PDCD10: variants seen among roughly 807,000 people sequenced by gnomAD.
PDCD10 encodes programmed cell death 10, also known as programmed cell death protein 10.
A neutral mutation model predicts 29.2 loss-of-function variants in PDCD10; 4 were observed. The ratio of observed to expected loss-of-function variants is 0.14; its 90% confidence interval spans 0.07 to 0.31. The LOEUF (loss-of-function observed/expected upper bound fraction) is 0.31. Among genes scored for constraint, PDCD10 ranks in the 10% least tolerant of loss-of-function variants. The pLI is 1.00. For synonymous variants in PDCD10, 70 were observed against 82.2 expected (o/e 0.85, Z 0.80); for missense variants, 183 against 257.9 (o/e 0.71, Z 1.99).
chr3:167,715,580 G>A (rs77475596), intron 3 of PDCD10, among the ~76,000 whole-genome samples: 1 of 151,722 alleles, frequency 6.6e-6, no homozygotes, highest in African/African-American at 2.4e-5. Flanking sequence ...ATCTAATAAT[G>A]CAATTTTAAA....
chr3:167,688,437 ATCACC>A (rs1719870372), intron 6 of PDCD10, among the ~76,000 whole-genome samples: 1 of 152,104 alleles, frequency 6.6e-6, no homozygotes, highest in South Asian at 2.1e-4. Flanking sequence ...TATATGCATC[ATCACC>A]TCCCTCCCCT....
intron 6 of PDCD10, among the ~76,000 whole-genome samples, chr3:167,691,084 A>G (rs550451235): frequency 2.6e-4 from 40 of 152,222 alleles, no homozygotes; most frequent in Non-Finnish European, 4.1e-4. Flanking sequence ...TACCTTAGAT[A>G]TAAGAAAGTA....
chr3:167,702,122 A>C (rs1457723074), intron 4 of PDCD10, among the ~76,000 whole-genome samples: 1 of 152,176 alleles, frequency 6.6e-6, no homozygotes, highest in Non-Finnish European at 1.5e-5. Flanking sequence ...ACTGTACAGA[A>C]ACATTTTTAG....
chr3:167,716,568 T>G (rs1022239921), intron 3 of PDCD10, among the ~76,000 whole-genome samples: 5 of 151,778 alleles, frequency 3.3e-5, no homozygotes, highest in Admixed American at 2.6e-4. Flanking sequence ...TTAAAAAAAT[T>G]TAAAAATAAT....
rs370009594 is a variant in PDCD10 at position 167,691,348 on chromosome 3, T to C, written c.396-3655A>G. Among the ~76,000 whole-genome samples, 11 of 152,312 alleles carry C rather than the reference T, an allele frequency of 7.2e-5. No homozygotes were observed. In the East Asian group the frequency reaches 1.7e-3, roughly 24 times the overall value. ...CAAATGGTTAGGAAGTAAATTTTCA[T>C]TGCCACCATTACTCTTAATTCAATT... On this transcript the variant is annotated intron_variant, in intron 6 of 8. Transcript: ENST00000392750.
chr3:167,706,652 C>T (rs564365912), intron 3 of PDCD10, among the ~76,000 whole-genome samples: 2 of 152,314 alleles, frequency 1.3e-5, no homozygotes, highest in Admixed American at 6.5e-5. Context: ...ATCATATATG[C>T]CATCCATCTA....
At chr3:167,687,915 C>T (rs1380673246) in intron 6 of PDCD10, among the ~76,000 whole-genome samples, 3 of 152,272 alleles carry the variant, frequency 2.0e-5, no homozygotes, top group Admixed American at 2.0e-4. Flanking sequence ...GATTCTCTTG[C>T]ACTGCTGACC....
intron 3 of PDCD10, among the ~76,000 whole-genome samples, chr3:167,709,629 G>A (rs1215265303): frequency 6.6e-6 from 1 of 152,148 alleles, no homozygotes; most frequent in East Asian, 1.9e-4. Context: ...GTGCTCTAGA[G>A]TCTCAGATAA....
At chr3:167,702,654 C>T (rs940741400) in intron 4 of PDCD10, among the ~76,000 whole-genome samples, 2 of 152,114 alleles carry the variant, frequency 1.3e-5, no homozygotes. Flanking sequence ...ATCCTCTTTT[C>T]CCTCCAAATA....
intron 8 of PDCD10, among the ~76,000 whole-genome samples, chr3:167,685,303 G>A (rs960633467): frequency 2.6e-5 from 4 of 151,200 alleles, no homozygotes; most frequent in East Asian, 2.0e-4. Flanking sequence ...ATCCCAGCTC[G>A]GGAGGCTGAG....
chr3:167,684,483 A>AT, intron 8 of PDCD10, 94 bp from the exon 9 acceptor site: 23 of 711,232 alleles, frequency 3.2e-5, no homozygotes, highest in Non-Finnish European at 3.3e-5. Context: ...AATCAATTTT[A>AT]GAAAAAAAAA....
chr3:167,689,413 A>G (rs1719975494), intron 6 of PDCD10, among the ~76,000 whole-genome samples: 1 of 152,236 alleles, frequency 6.6e-6, no homozygotes, highest in African/African-American at 2.4e-5. Context: ...ACAGAAGTTT[A>G]TATAGTCTTA....
chr3:167,688,420 T>C (rs537209416), intron 6 of PDCD10, among the ~76,000 whole-genome samples: 51 of 152,126 alleles, frequency 3.4e-4, no homozygotes, highest in Non-Finnish European at 6.6e-4. Context: ...CAATCATCCT[T>C]TGACTATATA....
At chr3:167,712,201 T>G (rs1722589498) in intron 3 of PDCD10, among the ~76,000 whole-genome samples, 1 of 151,992 alleles carries the variant, frequency 6.6e-6, no homozygotes, top group Non-Finnish European at 1.5e-5. Context: ...TATAACAACT[T>G]TTCAAGACAA....
intron 4 of PDCD10, among the ~76,000 whole-genome samples, chr3:167,704,297 G>A (rs1577342763): frequency 6.6e-6 from 1 of 152,070 alleles, no homozygotes; most frequent in African/African-American, 2.4e-5. Context: ...GCATGATCAC[G>A]TCCCACTGTA....
At chr3:167,703,390 A>G (rs528313221) in intron 4 of PDCD10, among the ~76,000 whole-genome samples, 1 of 152,250 alleles carries the variant, frequency 6.6e-6, no homozygotes, top group Non-Finnish European at 1.5e-5. Flanking sequence ...CAGAATATTA[A>G]ATCAAAAAAG....
intron 3 of PDCD10, among the ~76,000 whole-genome samples, chr3:167,710,778 C>G (rs1163491178): frequency 6.6e-6 from 1 of 152,198 alleles, no homozygotes; most frequent in Non-Finnish European, 1.5e-5. Context: ...TTAGGTCTGA[C>G]CCAGTGCAAT....
chr3:167,685,007 A>G (rs1719438805), intron 8 of PDCD10, among the ~76,000 whole-genome samples: 1 of 152,052 alleles, frequency 6.6e-6, no homozygotes, highest in African/African-American at 2.4e-5. Flanking sequence ...CTAATGGCTC[A>G]TCTTCATGCA....
At chr3:167,708,073 T>C (rs2108447345) in intron 3 of PDCD10, among the ~76,000 whole-genome samples, 1 of 152,332 alleles carries the variant, frequency 6.6e-6, no homozygotes, top group Non-Finnish European at 1.5e-5. Flanking sequence ...TAACTTATTG[T>C]TGATAGCCTT....
Sources: allele counts gnomAD v4.1 joint callset (sites outside exome capture counted in the v4.1 genomes callset), GRCh38; gene constraint gnomAD v4.1.1; transcripts MANE v1.5; gene names NCBI Gene and HGNC (gene_info 2026-07-23, HGNC 2026-07-21).